The following HYCC2 variants were observed in gnomAD, a reference collection of about 807,000 sequenced individuals.
The protein encoded by HYCC2 is hyccin 2.
chr2:200,989,683 A>T, the HYCC2 span, among the ~76,000 whole-genome samples: 1 of 152,040 alleles, frequency 6.6e-6, no homozygotes, highest in East Asian at 1.9e-4. Flanking sequence ...GTGTGCTGGT[A>T]TGCACCTGTA....
the HYCC2 span, among the ~76,000 whole-genome samples, chr2:201,068,867 A>G: frequency 2.6e-5 from 4 of 152,194 alleles, no homozygotes; most frequent in East Asian, 7.7e-4. Context: ...ATCCCAAGAA[A>G]AGAACATAGG....
At chr2:201,043,139 G>A in the HYCC2 span, among the ~76,000 whole-genome samples, 8 of 152,010 alleles carry the variant, frequency 5.3e-5, no homozygotes, top group African/African-American at 1.9e-4. Flanking sequence ...CCCCAACCCC[G>A]TGCTCTCTGA....
the HYCC2 span, among the ~76,000 whole-genome samples, chr2:201,010,073 C>A: frequency 6.9e-6 from 1 of 144,714 alleles, no homozygotes; most frequent in East Asian, 2.0e-4. Flanking sequence ...CACTGCACTC[C>A]ATCCTGGGTG....
the HYCC2 span, among the ~76,000 whole-genome samples, chr2:201,053,027 G>A: frequency 3.3e-5 from 5 of 152,198 alleles, no homozygotes; most frequent in African/African-American, 9.6e-5. Context: ...CAATTCCATT[G>A]AGGATGGGGT....
chr2:201,027,232 T>A, the HYCC2 span, among the ~76,000 whole-genome samples: 1 of 152,172 alleles, frequency 6.6e-6, no homozygotes, highest in Admixed American at 6.6e-5. Context: ...GATAAATTCC[T>A]GGACACATAC....
At chr2:200,989,258 TG>T in the HYCC2 span, among the ~76,000 whole-genome samples, 1 of 152,216 alleles carries the variant, frequency 6.6e-6, no homozygotes, top group South Asian at 2.1e-4. Context: ...TCTCTTTACC[TG>T]TATTGCCTTG....
the HYCC2 span, among the ~76,000 whole-genome samples, chr2:200,998,357 T>C: frequency 6.6e-6 from 1 of 152,182 alleles, no homozygotes; most frequent in Non-Finnish European, 1.5e-5. Flanking sequence ...TGATTCCTGA[T>C]AAGATTTCAA....
chr2:201,010,708 T>A, the HYCC2 span, among the ~76,000 whole-genome samples: 1 of 151,996 alleles, frequency 6.6e-6, no homozygotes, highest in Non-Finnish European at 1.5e-5. Flanking sequence ...CAAAAACAAA[T>A]CAATCTAAGG....
the HYCC2 span, among the ~76,000 whole-genome samples, chr2:201,030,921 C>A: frequency 6.6e-6 from 1 of 152,078 alleles, no homozygotes; most frequent in Admixed American, 6.6e-5. Context: ...AAGCACAAAC[C>A]CTTATCTGTC....
chr2:201,056,396 C>T, the HYCC2 span, among the ~76,000 whole-genome samples: 2 of 151,596 alleles, frequency 1.3e-5, no homozygotes, highest in East Asian at 3.9e-4. Flanking sequence ...CTCTGCCAGC[C>T]GGGCGCAGTG....
At chr2:201,027,298 G>T in the HYCC2 span, among the ~76,000 whole-genome samples, 2 of 152,196 alleles carry the variant, frequency 1.3e-5, no homozygotes, top group East Asian at 3.9e-4. Context: ...CCAATAACAG[G>T]TTCTGAAACT....
the HYCC2 span, among the ~76,000 whole-genome samples, chr2:201,068,076 G>A: frequency 5.4e-4 from 82 of 152,140 alleles, no homozygotes; most frequent in African/African-American, 2.0e-3. Context: ...CCTGACGTCC[G>A]GAGTTCGAGA....
At chr2:201,022,059 C>G in the HYCC2 span, 1 of 1,289,186 alleles carries the variant, frequency 7.8e-7, no homozygotes, top group Non-Finnish European at 1.0e-6. Context: ...AGAGGATTAC[C>G]TGAACTTCTT....
At chr2:201,038,026 G>A in the HYCC2 span, among the ~76,000 whole-genome samples, 1 of 152,008 alleles carries the variant, frequency 6.6e-6, no homozygotes, top group Non-Finnish European at 1.5e-5. Context: ...AATCTACAAT[G>A]AACTCAAACA....
chr2:201,042,082 A>T, the HYCC2 span, among the ~76,000 whole-genome samples: 1 of 152,124 alleles, frequency 6.6e-6, no homozygotes, highest in African/African-American at 2.4e-5. Flanking sequence ...TCAGACTGCC[A>T]AGTGCCTGGG....
the HYCC2 span, among the ~76,000 whole-genome samples, chr2:201,025,671 G>T: frequency 1.3e-5 from 2 of 152,124 alleles, no homozygotes; most frequent in Non-Finnish European, 2.9e-5. Flanking sequence ...AGCACAGAAA[G>T]TTACAGAATC....
At chr2:201,049,528 A>G in the HYCC2 span, among the ~76,000 whole-genome samples, 1 of 142,262 alleles carries the variant, frequency 7.0e-6, no homozygotes, top group Admixed American at 6.9e-5. Flanking sequence ...TTTTTTTTTT[A>G]ATTTTTAGTA....
chr2:201,033,098 A>G, the HYCC2 span, among the ~76,000 whole-genome samples: 2 of 150,802 alleles, frequency 1.3e-5, no homozygotes, highest in Non-Finnish European at 3.0e-5. Context: ...TTTTTTTTCA[A>G]ATGTTCTCTA....
At chr2:200,993,938 C>A in the HYCC2 span, among the ~76,000 whole-genome samples, 4 of 151,760 alleles carry the variant, frequency 2.6e-5, no homozygotes, top group African/African-American at 4.8e-5. Flanking sequence ...CCACTTCACT[C>A]CAGCCTGGGT....
Sources: gnomAD v4.1 joint callset for allele counts (sites outside exome capture counted in the v4.1 genomes callset) on GRCh38, gnomAD v4.1.1 for gene constraint, MANE v1.5 for transcripts, NCBI Gene and HGNC (gene_info 2026-07-23, HGNC 2026-07-21) for gene names.